The following MAP4K4 variants were observed in gnomAD, a reference collection of about 807,000 sequenced individuals.
The protein encoded by MAP4K4 is HPK/GCK-like kinase HGK.
MAP4K4 carries 38 observed loss-of-function variants against 189.6 expected under a neutral mutation model. The ratio of observed to expected loss-of-function variants is 0.20; its 90% CI spans 0.15 to 0.26. The LOEUF is 0.26. Ranked by LOEUF, MAP4K4 falls within the 10% of genes least tolerant of loss-of-function variation. MAP4K4 has a pLI of 1.00. For synonymous variants in MAP4K4, 610 were observed against 624.3 expected, an observed-to-expected ratio of 0.98 and a Z score of 0.34; for missense variants, 1,054 against 1,726.9, an observed-to-expected ratio of 0.61 and a Z score of 6.91.
intron 2 of MAP4K4, among the ~76,000 whole-genome samples, chr2:101,772,766 A>C (rs73943764): frequency 6.6e-6 from 1 of 152,184 alleles, no homozygotes; most frequent in Non-Finnish European, 1.5e-5. Flanking sequence ...ACATTTCTTT[A>C]TCTTGCCCCG....
Position 101,886,767 on chromosome 2 carries a change from C to T in MAP4K4, c.3622-321C>T, listed in dbSNP as rs982219778. ...ATTAGAAGTAAGTTCTCCGGCCGGG[C>T]GTGGTGGCTCACGCCTGTAATTCCA... On this transcript the variant is annotated intron_variant, in intron 29 of 32. Transcript: ENST00000324219. Among the ~76,000 whole-genome samples, 27 of 152,104 alleles carry T rather than the reference C, an allele frequency of 1.8e-4. 1 individual carries two copies. The highest frequency in any genetic ancestry group is 1.2e-3 in the Admixed American group (18 of 15,286).
chr2:101,736,592 T>G (rs2060349968), intron 2 of MAP4K4, among the ~76,000 whole-genome samples: 1 of 152,246 alleles, frequency 6.6e-6, no homozygotes, highest in Non-Finnish European at 1.5e-5. Flanking sequence ...GTTTTGAGTA[T>G]AATAACTCGT....
chr2:101,842,770 AC>A lies in MAP4K4; in HGVS notation c.1022+90del. 3.4e-6 allele frequency: 3 copies of A among 891,596 alleles called. No individual in the cohort carries two copies. In the South Asian group the frequency reaches 5.7e-5, roughly 17 times the overall value. 55.2% of individuals were successfully genotyped at this position (891,596 alleles called of 1,614,324 possible). A position where few individuals can be genotyped will look rare whatever the true frequency, so the allele number is the denominator to read the frequency against. ...GGACTGCAGAAGACTCCTGTGTGGT[AC>A]AAAGAATCTTAAATTACTTAGACAG... On this transcript the variant is annotated intron_variant, in intron 11 of 32. Coordinates refer to ENST00000324219, the Ensembl canonical transcript of MAP4K4.
chr2:101,785,345 TA>T, intron 2 of MAP4K4, among the ~76,000 whole-genome samples: 1 of 152,214 alleles, frequency 6.6e-6, no homozygotes, highest in Non-Finnish European at 1.5e-5. Flanking sequence ...TGGCACCATT[TA>T]ATAGCAAGGC....
chr2:101,886,542 A>G (rs1053755456), intron 29 of MAP4K4, among the ~76,000 whole-genome samples: 1 of 152,262 alleles, frequency 6.6e-6, no homozygotes, highest in African/African-American at 2.4e-5. Flanking sequence ...CCAAAAGCAC[A>G]GTAAATGACA....
chr2:101,883,704 TTTC>T (rs1262967775), intron 28 of MAP4K4, among the ~76,000 whole-genome samples: 1 of 152,140 alleles, frequency 6.6e-6, no homozygotes, highest in East Asian at 1.9e-4. Context: ...GCTTGTGTGT[TTTC>T]TTTTTTCTAT....
rs773308839 is a variant in MAP4K4, at chr2:101,825,299, G to A, written c.307-20G>A. 23 of 1,502,812 alleles carry A rather than the reference G, an allele frequency of 1.5e-5. No individual in the cohort carries two copies. The South Asian group carries it at 2.1e-4, about 14-fold the overall frequency. The allele number at this position is 1,502,812 out of a possible 1,614,324, so 93.1% of individuals were successfully genotyped here. ...TTCTCCAAGATATGTTGCTCACCTTGTGTCTTGTCTGCCCTATAGCTTGTT... is the reference window on the plus strand; with the variant it reads ...TTCTCCAAGATATGTTGCTCACCTTATGTCTTGTCTGCCCTATAGCTTGTT... On this transcript the variant is annotated intron_variant, in intron 4 of 32. Coordinates refer to ENST00000324219, the Ensembl canonical transcript of MAP4K4.
intron 2 of MAP4K4, among the ~76,000 whole-genome samples, chr2:101,755,401 T>C (rs2071875663): frequency 6.6e-6 from 1 of 152,186 alleles, no homozygotes; most frequent in Non-Finnish European, 1.5e-5. Context: ...CATACTTGTT[T>C]ATTTCCCACC....
intron 3 of MAP4K4, among the ~76,000 whole-genome samples, chr2:101,807,664 C>T (rs2095083718): frequency 6.6e-6 from 1 of 152,068 alleles, no homozygotes; most frequent in African/African-American, 2.4e-5. Flanking sequence ...AACATAGTGG[C>T]TTCTGCTTTT....
At chr2:101,844,119 T>C (rs1235797318) in exon 12 of MAP4K4, 1 of 1,612,212 alleles carries the variant, frequency 6.2e-7, no homozygotes, top group Non-Finnish European at 8.5e-7. Context: ...TGAACGTGCC[T>C]GGTGAGTCTA....
intron 2 of MAP4K4, among the ~76,000 whole-genome samples, chr2:101,742,927 A>G (rs541537890): frequency 3.5e-4 from 53 of 152,358 alleles, no homozygotes; most frequent in Non-Finnish European, 6.8e-4. Context: ...CAGATTTTAA[A>G]TTCTAAAGGG....
At chr2:101,729,991 C>T (rs1285579416) in intron 2 of MAP4K4, among the ~76,000 whole-genome samples, 1 of 152,134 alleles carries the variant, frequency 6.6e-6, no homozygotes, top group Admixed American at 6.5e-5. Flanking sequence ...CCCGCAGCTC[C>T]GTGGGGCCTT....
chr2:101,871,780 C>G, intron 24 of MAP4K4, 95 bp downstream of exon 24: 1 of 1,111,798 alleles, frequency 9.0e-7, no homozygotes, highest in South Asian at 1.6e-5. Flanking sequence ...CACCCTCACC[C>G]CTTCCCTTCC....
chr2:101,797,721 T>C (rs1235580997), intron 3 of MAP4K4, among the ~76,000 whole-genome samples: 2 of 151,982 alleles, frequency 1.3e-5, no homozygotes, highest in Non-Finnish European at 2.9e-5. Flanking sequence ...GCTCTTAAAA[T>C]CAGTTAAAAT....
At chr2:101,891,329 G>A (rs1455070388) in exon 33 of MAP4K4, 15 of 1,276,538 alleles carry the variant, frequency 1.2e-5, no homozygotes, top group South Asian at 3.7e-5. Flanking sequence ...ACTGGAGCTC[G>A]GAGCTGCACC....
intron 12 of MAP4K4, among the ~76,000 whole-genome samples, chr2:101,847,808 C>A (rs927107926): frequency 2.2e-4 from 34 of 152,114 alleles, no homozygotes; most frequent in African/African-American, 8.0e-4. Context: ...CAGTAGTGTA[C>A]GCTAATGTTC....
chr2:101,809,700 T>A (rs955735085), intron 3 of MAP4K4, among the ~76,000 whole-genome samples: 4 of 152,224 alleles, frequency 2.6e-5, no homozygotes, highest in Non-Finnish European at 5.9e-5. Flanking sequence ...CCAGTACTTC[T>A]TTATTATATC....
At chr2:101,868,108 G>A (rs2097869887) in intron 21 of MAP4K4, 71 bp downstream of exon 21, 5 of 1,539,968 alleles carry the variant, frequency 3.2e-6, no homozygotes, top group Middle Eastern at 1.7e-4. Context: ...GCTTGTATTC[G>A]AGCTGCGGTC....
intron 2 of MAP4K4, among the ~76,000 whole-genome samples, chr2:101,729,101 AGTGTGTGT>A (rs57635166): frequency 1.5e-5 from 2 of 130,504 alleles, no homozygotes; most frequent in South Asian, 2.6e-4. Flanking sequence ...AGAGAGAGAG[AGTGTGTGT>A]GTGTGTGTGT....
Sources: gnomAD v4.1 joint callset for allele counts (sites outside exome capture counted in the v4.1 genomes callset) on GRCh38, gnomAD v4.1.1 for gene constraint, MANE v1.5 for transcripts, NCBI Gene and HGNC (gene_info 2026-07-23, HGNC 2026-07-21) for gene names.